IL1RAPL1: variants seen among roughly 807,000 people sequenced by gnomAD.
IL1RAPL1 encodes the protein interleukin-1 receptor accessory protein-like 1.
A neutral mutation model predicts 48.4 loss-of-function variants in IL1RAPL1; 3 were observed. The observed-to-expected ratio is 0.06, with a 90% CI of 0.03 to 0.16. IL1RAPL1 has a LOEUF of 0.16. Ranked by LOEUF, IL1RAPL1 falls within the 10% of genes least tolerant of loss-of-function variation. The probability of loss-of-function intolerance (pLI) is 1.00; values close to 1 mark genes in which losing one functional copy is unlikely to be tolerated. For missense variants in IL1RAPL1, 349 were observed against 530.6 expected, an observed-to-expected ratio of 0.66 and a Z score of 3.36; for synonymous variants, 185 against 187.7, an observed-to-expected ratio of 0.99 and a Z score of 0.12.
At chrX:29,324,848 A>G (rs1243843520) in intron 3 of IL1RAPL1, among the ~76,000 whole-genome samples, 1 of 111,394 alleles carries the variant, frequency 9.0e-6, no homozygotes, top group African/African-American at 3.3e-5. Context: ...CAATGTGATC[A>G]ATTTTACATT....
At chrX:28,774,630 G>C (rs773819131) in intron 1 of IL1RAPL1, among the ~76,000 whole-genome samples, 36 of 111,956 alleles carry the variant, frequency 3.2e-4, no homozygotes, top group Non-Finnish European at 6.2e-4. Context: ...AGGTGGGCCA[G>C]TGTTTTATAA....
chrX:28,672,744 A>G (rs1269779704), intron 1 of IL1RAPL1, among the ~76,000 whole-genome samples: 5 of 111,143 alleles, frequency 4.5e-5, no homozygotes, highest in Non-Finnish European at 7.5e-5. Context: ...CCTTATTTCA[A>G]TCCTTTAAAA....
At chrX:29,097,820 G>A (rs1928248364) in intron 2 of IL1RAPL1, among the ~76,000 whole-genome samples, 3 of 112,142 alleles carry the variant, frequency 2.7e-5, no homozygotes, top group Admixed American at 1.9e-4. Flanking sequence ...GCTTAATGTT[G>A]TTTTTAAACC....
At chrX:29,800,025 A>G (rs2147166801) in intron 6 of IL1RAPL1, among the ~76,000 whole-genome samples, 1 of 111,823 alleles carries the variant, frequency 8.9e-6, no homozygotes, top group African/African-American at 3.2e-5. Flanking sequence ...TGTTCTATCT[A>G]CTATCCCCAC....
At chrX:29,247,205 T>A (rs1478224156) in intron 2 of IL1RAPL1, among the ~76,000 whole-genome samples, 2 of 112,208 alleles carry the variant, frequency 1.8e-5, no homozygotes, top group African/African-American at 6.5e-5. Context: ...TTAAAATCTG[T>A]ACCACAAGGA....
intron 1 of IL1RAPL1, among the ~76,000 whole-genome samples, chrX:28,682,906 C>T (rs1178710219): frequency 2.7e-5 from 3 of 111,530 alleles, no homozygotes; most frequent in Non-Finnish European, 3.8e-5. Context: ...TTGATATATG[C>T]GATTTAGCTG....
intron 6 of IL1RAPL1, among the ~76,000 whole-genome samples, chrX:29,803,224 T>TGC (rs1313389088): frequency 0.012 from 320 of 27,304 alleles, 4 homozygotes; most frequent in Middle Eastern, 0.05. Flanking sequence ...TATGTATACA[T>TGC]ATACACACAT....
At chrX:29,576,457 C>T (rs6653822) in intron 5 of IL1RAPL1, among the ~76,000 whole-genome samples, 5,694 of 111,747 alleles carry the variant, frequency 0.051, 358 homozygotes, top group African/African-American at 0.18. Context: ...GGGAAAATCT[C>T]TGTAGTTAAG....
intron 2 of IL1RAPL1, among the ~76,000 whole-genome samples, chrX:28,823,878 A>G (rs1457399874): frequency 1.8e-5 from 2 of 111,266 alleles, no homozygotes; most frequent in African/African-American, 3.3e-5. Flanking sequence ...CACATCAGCC[A>G]TGTCCTTTTT....
At chrX:28,893,965 G>A (rs1377165333) in intron 2 of IL1RAPL1, among the ~76,000 whole-genome samples, 1 of 111,944 alleles carries the variant, frequency 8.9e-6, no homozygotes, top group East Asian at 2.8e-4. Flanking sequence ...TGGAAGGCTA[G>A]CTGCTTGTCT....
intron 2 of IL1RAPL1, among the ~76,000 whole-genome samples, chrX:29,266,237 C>T (rs1000086715): frequency 1.9e-4 from 21 of 112,060 alleles, no homozygotes; most frequent in African/African-American, 6.8e-4. Context: ...CAATGATAGA[C>T]TGGATTAAGA....
chrX:29,371,448 A>T (rs1258880917), intron 3 of IL1RAPL1, among the ~76,000 whole-genome samples: 1 of 111,445 alleles, frequency 9.0e-6, no homozygotes, highest in Non-Finnish European at 1.9e-5. Flanking sequence ...GTACTTTTTA[A>T]AAAACTAAAC....
intron 5 of IL1RAPL1, among the ~76,000 whole-genome samples, chrX:29,439,657 C>T (rs1266952540): frequency 9.0e-6 from 1 of 110,710 alleles, no homozygotes; most frequent in Admixed American, 9.7e-5. Flanking sequence ...TAATGCTCCA[C>T]ATGAAAATCC....
intron 5 of IL1RAPL1, among the ~76,000 whole-genome samples, chrX:29,599,330 G>GCTAAAAATTTA (rs1189315875): frequency 1.6e-4 from 18 of 111,981 alleles, no homozygotes; most frequent in African/African-American, 5.8e-4. Flanking sequence ...TTTATTTAAG[G>GCTAAAAATTTA]AGGCTAAAAA....
In IL1RAPL1 at chrX:29,168,880, TATATATATATTC is replaced by T. The variant is rs1191657051; in HGVS notation, c.83-114053_83-114042del. Among the ~76,000 whole-genome samples the T allele has an allele frequency of 7.0e-4, 58 of 82,362 alleles. 1 individual carries two copies. The highest frequency in any genetic ancestry group is 1.0e-3 in the Admixed American group (7 of 6,882). The allele number at this position is 82,362 out of a possible 115,157, so 71.5% of individuals were successfully genotyped here. A position where few individuals can be genotyped will look rare whatever the true frequency, so the allele number is the denominator to read the frequency against. ...ATATGTATATTCATATGTACAATTG[TATATATATATTC>T]ATATGTACAATTGTATATATATTCA... On this transcript the variant is annotated intron_variant, in intron 2 of 10. Transcript: ENST00000378993.
At chrX:29,353,598 A>G (rs1933262685) in intron 3 of IL1RAPL1, among the ~76,000 whole-genome samples, 1 of 111,250 alleles carries the variant, frequency 9.0e-6, no homozygotes, top group Admixed American at 9.6e-5. Flanking sequence ...TTAATGAGAC[A>G]TCTGAAACTT....
At chrX:29,407,030 G>A (rs1309891188) in intron 5 of IL1RAPL1, among the ~76,000 whole-genome samples, 1 of 111,977 alleles carries the variant, frequency 8.9e-6, no homozygotes, top group African/African-American at 3.2e-5. Flanking sequence ...TCTCTTTAGT[G>A]AGAGATTTTT....
At chrX:28,756,299 G>T (rs1200049233) in intron 1 of IL1RAPL1, among the ~76,000 whole-genome samples, 1 of 111,208 alleles carries the variant, frequency 9.0e-6, no homozygotes, top group Non-Finnish European at 1.9e-5. Flanking sequence ...ACTATAATGT[G>T]TCCTTGGCAT....
At chrX:29,588,555 G>C (rs1364506639) in intron 5 of IL1RAPL1, among the ~76,000 whole-genome samples, 2 of 112,022 alleles carry the variant, frequency 1.8e-5, no homozygotes, top group South Asian at 3.7e-4. Context: ...GGTTAAAAGA[G>C]GAAATATAAT....
Sources: allele counts gnomAD v4.1 joint callset (sites outside exome capture counted in the v4.1 genomes callset), GRCh38; gene constraint gnomAD v4.1.1; transcripts MANE v1.5; gene names NCBI Gene and HGNC (gene_info 2026-07-23, HGNC 2026-07-21).